The following SUPT3H variants were observed in gnomAD, a reference collection of about 807,000 sequenced individuals.
The protein encoded by SUPT3H is SPT3 homolog, SAGA and STAGA complex component, also known as transcription initiation protein SPT3 homolog.
In SUPT3H, 44 loss-of-function variants were observed where a neutral mutation model predicts 44.3. The observed-to-expected ratio is 0.99, with a 90% CI of 0.78 to 1.28. SUPT3H has a LOEUF of 1.28. SUPT3H is among the 50% of genes most tolerant of loss of function. SUPT3H has a pLI of 0.00. For synonymous variants in SUPT3H, 124 were observed against 125.6 expected (o/e 0.99, Z 0.09); for missense variants, 380 against 387.1 (o/e 0.98, Z 0.15).
chr6:44,846,776 C>T (rs1771950692), intron 10 of SUPT3H, among the ~76,000 whole-genome samples: 1 of 152,108 alleles, frequency 6.6e-6, no homozygotes, highest in African/African-American at 2.4e-5. Context: ...GGATTACAGG[C>T]ATCTGCCACC....
At chr6:45,141,855 C>T (rs768092485) in intron 2 of SUPT3H, among the ~76,000 whole-genome samples, 4 of 152,122 alleles carry the variant, frequency 2.6e-5, no homozygotes, top group Non-Finnish European at 5.9e-5. Context: ...GCTAGTCTAG[C>T]TAGAGATCTA....
At chr6:44,836,476 C>T (rs560119747) in intron 10 of SUPT3H, among the ~76,000 whole-genome samples, 1 of 152,246 alleles carries the variant, frequency 6.6e-6, no homozygotes, top group African/African-American at 2.4e-5. Context: ...AGTATTAACT[C>T]TCATTGTAGT....
At chr6:45,106,540 T>TC (rs200578335) in intron 2 of SUPT3H, among the ~76,000 whole-genome samples, 2 of 151,870 alleles carry the variant, frequency 1.3e-5, no homozygotes, top group African/African-American at 4.8e-5. Context: ...AGTTTTTATT[T>TC]TTTTTATTTT....
intron 2 of SUPT3H, among the ~76,000 whole-genome samples, chr6:45,235,960 T>C (rs914840840): frequency 6.6e-6 from 1 of 152,164 alleles, no homozygotes; most frequent in Non-Finnish European, 1.5e-5. Context: ...TAAGGACATG[T>C]TTCTGCTGCA....
intron 2 of SUPT3H, among the ~76,000 whole-genome samples, chr6:45,323,594 T>C (rs926507811): frequency 6.6e-6 from 1 of 152,028 alleles, no homozygotes; most frequent in African/African-American, 2.4e-5. Context: ...TTAAAACAAA[T>C]TGTAACGAAA....
chr6:45,161,544 T>G (rs2153601367), intron 2 of SUPT3H, among the ~76,000 whole-genome samples: 1 of 152,112 alleles, frequency 6.6e-6, no homozygotes, highest in East Asian at 1.9e-4. Context: ...TAAACTGCAT[T>G]TTTTTCAAAA....
intron 2 of SUPT3H, among the ~76,000 whole-genome samples, chr6:45,293,197 G>A (rs1364480692): frequency 6.6e-6 from 1 of 152,044 alleles, no homozygotes; most frequent in Admixed American, 6.6e-5. Flanking sequence ...CCAAAGCCAC[G>A]CAAATACATG....
At chr6:45,065,010 T>A (rs868247917) in intron 3 of SUPT3H, among the ~76,000 whole-genome samples, 1 of 150,888 alleles carries the variant, frequency 6.6e-6, no homozygotes, top group Admixed American at 6.6e-5. Context: ...AATATACATT[T>A]TTTTCAGCAC....
At chr6:44,937,525 G>T (rs1215171702) in intron 9 of SUPT3H, among the ~76,000 whole-genome samples, 1 of 151,554 alleles carries the variant, frequency 6.6e-6, no homozygotes, top group Non-Finnish European at 1.5e-5. Context: ...TTCAATAGAA[G>T]TTGTACTAAT....
At chr6:45,111,033 CTTT>C (rs5875909) in intron 2 of SUPT3H, among the ~76,000 whole-genome samples, 11 of 129,942 alleles carry the variant, frequency 8.5e-5, no homozygotes, top group Non-Finnish European at 9.8e-5. Context: ...ACAAACGATA[CTTT>C]TTTTTTTTTT....
At chr6:45,109,718 A>G (rs1307057910) in intron 2 of SUPT3H, among the ~76,000 whole-genome samples, 1 of 152,248 alleles carries the variant, frequency 6.6e-6, no homozygotes, top group African/African-American at 2.4e-5. Flanking sequence ...TTTGGAAAAC[A>G]GAAATGAAAA....
chr6:44,890,795 C>T (rs540022785), intron 10 of SUPT3H, among the ~76,000 whole-genome samples: 89 of 151,332 alleles, frequency 5.9e-4, no homozygotes, highest in Non-Finnish European at 1.0e-3. Context: ...ATGTGGCACA[C>T]ATGGAATACT....
intron 10 of SUPT3H, among the ~76,000 whole-genome samples, chr6:44,902,969 C>T (rs660027): frequency 0.93 from 141,434 of 152,074 alleles, 66,640 homozygotes; most frequent in East Asian, 1. Flanking sequence ...ATAAAGATGT[C>T]CTTTGAAACC....
intron 9 of SUPT3H, among the ~76,000 whole-genome samples, chr6:44,943,992 G>T (rs1170329207): frequency 6.6e-6 from 1 of 151,864 alleles, no homozygotes; most frequent in African/African-American, 2.4e-5. Flanking sequence ...TTTTTTAGTT[G>T]CTTCTCAGCC....
At position 44,828,549 on chromosome 6, in the gene SUPT3H, G is replaced by A. The variant is rs1056122650; in HGVS notation, c.*1267C>T. On this transcript the variant is annotated 3_prime_UTR_variant, in exon 11 of 11. Transcript: ENST00000371459. ...TTGAATCGCAACTATTACAATATAA[G>A]AAGGCAGGAAAGCTAATGACATAAC... 6.6e-6 allele frequency among the ~76,000 whole-genome samples: 1 copy of A among 152,208 alleles called. No homozygotes were observed. Among genetic ancestry groups the A allele is most frequent in the South Asian group, 2.1e-4 (1 of 4,826 alleles).
At chr6:44,900,130 C>T (rs917181895) in intron 10 of SUPT3H, among the ~76,000 whole-genome samples, 1 of 152,238 alleles carries the variant, frequency 6.6e-6, no homozygotes, top group African/African-American at 2.4e-5. Context: ...GCATTTCCAA[C>T]TGAGGTACCC....
intron 4 of SUPT3H, among the ~76,000 whole-genome samples, chr6:45,018,904 A>C (rs1784709131): frequency 6.6e-6 from 1 of 152,066 alleles, no homozygotes; most frequent in South Asian, 2.1e-4. Flanking sequence ...ATTGATTGGA[A>C]TAGTTTCAGA....
chr6:45,270,675 T>C (rs1196928515), intron 2 of SUPT3H, among the ~76,000 whole-genome samples: 1 of 152,180 alleles, frequency 6.6e-6, no homozygotes, highest in Non-Finnish European at 1.5e-5. Flanking sequence ...AATGGACTAA[T>C]ACAGTAAACT....
chr6:45,200,520 AAACT>A (rs1469960092), intron 2 of SUPT3H, among the ~76,000 whole-genome samples: 1 of 151,520 alleles, frequency 6.6e-6, no homozygotes, highest in African/African-American at 2.4e-5. Context: ...GCTGGTAAAA[AAACT>A]AACAGATATC....
Sources: gnomAD v4.1 joint callset for allele counts (sites outside exome capture counted in the v4.1 genomes callset) on GRCh38, gnomAD v4.1.1 for gene constraint, MANE v1.5 for transcripts, NCBI Gene and HGNC (gene_info 2026-07-23, HGNC 2026-07-21) for gene names.